CNIH3: variants seen among roughly 807,000 people sequenced by gnomAD.
CNIH3 encodes protein cornichon homolog 3.
Under a neutral mutation model 24.1 loss-of-function variants are expected in CNIH3, and 14 were observed. The observed-to-expected ratio is 0.58, with a 90% CI of 0.38 to 0.91. CNIH3 has a LOEUF of 0.91. CNIH3 is among the 40% of genes least tolerant of loss of function. CNIH3 has a pLI of 0.00. For synonymous variants in CNIH3, 68 were observed against 73.8 expected, an observed-to-expected ratio of 0.92 and a Z score of 0.40; for missense variants, 178 against 196.8, an observed-to-expected ratio of 0.90 and a Z score of 0.57.
At chr1:224,564,521 A>G (rs1313198392) in intron 3 of CNIH3, among the ~76,000 whole-genome samples, 12 of 152,250 alleles carry the variant, frequency 7.9e-5, no homozygotes, top group African/African-American at 2.9e-4. Context: ...CTGGCAACCC[A>G]GCATTTTTAT....
At chr1:224,537,129 A>C (rs994145189), downstream of CNIH3, 12 of 152,236 alleles carry the variant, frequency 7.9e-5, no homozygotes, top group African/African-American at 2.9e-4. Flanking sequence ...GGAAAAAAAA[A>C]CTACATATCT....
At chr1:224,551,886 T>C (rs1198542262) in intron 3 of CNIH3, among the ~76,000 whole-genome samples, 2 of 151,114 alleles carry the variant, frequency 1.3e-5, no homozygotes, top group African/African-American at 4.9e-5. Context: ...ATTTGTAATA[T>C]CTAAGGGAGT....
At chr1:224,517,953 T>G (rs1678464114) in intron 1 of CNIH3, among the ~76,000 whole-genome samples, 1 of 152,168 alleles carries the variant, frequency 6.6e-6, no homozygotes, top group Admixed American at 6.5e-5. Flanking sequence ...GAATGCAGAA[T>G]AGACCCTTTC....
At chr1:224,619,156 T>C (rs1312997317) in intron 1 of CNIH3, among the ~76,000 whole-genome samples, 1 of 152,250 alleles carries the variant, frequency 6.6e-6, no homozygotes, top group Non-Finnish European at 1.5e-5. Flanking sequence ...GTTCTCTGAA[T>C]TGGTCCCTGA....
chr1:224,711,928 C>T (rs1422722374), intron 3 of CNIH3, among the ~76,000 whole-genome samples: 1 of 151,950 alleles, frequency 6.6e-6, no homozygotes, highest in Non-Finnish European at 1.5e-5. Context: ...ATGCCACTCT[C>T]ATGCTTAGGG....
chr1:224,543,910 A>G (rs1028255766), intron 2 of CNIH3, among the ~76,000 whole-genome samples: 2 of 152,030 alleles, frequency 1.3e-5, no homozygotes, highest in African/African-American at 4.8e-5. Context: ...TCACTTTTAT[A>G]CCCAAGACCT....
chr1:224,725,843 T>G (rs1688994795), intron 3 of CNIH3, among the ~76,000 whole-genome samples: 1 of 152,166 alleles, frequency 6.6e-6, no homozygotes, highest in South Asian at 2.1e-4. Flanking sequence ...TTCTTTTCCT[T>G]TAGGGGTAAG....
intron 3 of CNIH3, among the ~76,000 whole-genome samples, chr1:224,548,620 T>C (rs1382208017): frequency 6.6e-6 from 1 of 152,038 alleles, no homozygotes; most frequent in Admixed American, 6.5e-5. Flanking sequence ...GAGTACACTC[T>C]GTGTGTACAT....
intron 1 of CNIH3, among the ~76,000 whole-genome samples, chr1:224,646,553 G>A (rs1055763245): frequency 6.6e-6 from 1 of 152,136 alleles, no homozygotes; most frequent in African/African-American, 2.4e-5. Context: ...CTACAGAGGT[G>A]TGCCTCCACG....
chr1:224,474,802 C>T (rs1345401572), intron 1 of CNIH3, among the ~76,000 whole-genome samples: 1 of 151,780 alleles, frequency 6.6e-6, no homozygotes, highest in African/African-American at 2.4e-5. Context: ...CCAAGGCGGG[C>T]AGATCACAAG....
At chr1:224,618,158 T>G (rs981656653) in intron 1 of CNIH3, among the ~76,000 whole-genome samples, 1 of 152,210 alleles carries the variant, frequency 6.6e-6, no homozygotes, top group Non-Finnish European at 1.5e-5. Context: ...GCCGGTCCTC[T>G]CAAAGACTGT....
intron 3 of CNIH3, among the ~76,000 whole-genome samples, chr1:224,726,073 G>T (rs1245014648): frequency 1.3e-5 from 2 of 152,182 alleles, no homozygotes; most frequent in African/African-American, 4.8e-5. Flanking sequence ...AAAATTCCTG[G>T]AAAAACAAGA....
At chr1:224,548,617 C>A (rs1679795643) in intron 3 of CNIH3, among the ~76,000 whole-genome samples, 1 of 151,940 alleles carries the variant, frequency 6.6e-6, no homozygotes, top group South Asian at 2.1e-4. Flanking sequence ...TGGGAGTACA[C>A]TCTGTGTGTA....
At chr1:224,721,794 G>T (rs748574676) in intron 3 of CNIH3, among the ~76,000 whole-genome samples, 10 of 152,182 alleles carry the variant, frequency 6.6e-5, no homozygotes, top group Non-Finnish European at 1.3e-4. Context: ...TGAAGAGGGG[G>T]CCTGTGGAAG....
chr1:224,495,170 T>G (rs888851237), intron 1 of CNIH3, among the ~76,000 whole-genome samples: 5 of 152,170 alleles, frequency 3.3e-5, no homozygotes, highest in African/African-American at 1.2e-4. Flanking sequence ...TCATCAATTT[T>G]TTGGCTGTTC....
At chr1:224,480,067 CT>C (rs1676747593) in intron 1 of CNIH3, among the ~76,000 whole-genome samples, 2 of 152,216 alleles carry the variant, frequency 1.3e-5, no homozygotes, top group Admixed American at 6.5e-5. Context: ...GTATCCAGGT[CT>C]TTCCATACAT....
At chr1:224,688,771 A>G (rs574221922) in intron 3 of CNIH3, among the ~76,000 whole-genome samples, 1 of 151,960 alleles carries the variant, frequency 6.6e-6, no homozygotes, top group East Asian at 1.9e-4. Flanking sequence ...TGAAACCCCC[A>G]CAAATTAGTC....
At chr1:224,616,250 A>C, upstream of CNIH3, 1 of 163,900 alleles carries the variant, frequency 6.1e-6, no homozygotes, top group Non-Finnish European at 1.3e-5. Flanking sequence ...GGGCGCGCTC[A>C]GCGGAACAGG....
intron 4 of CNIH3, among the ~76,000 whole-genome samples, chr1:224,568,692 C>T (rs942156965): frequency 2.9e-4 from 44 of 151,528 alleles, no homozygotes; most frequent in African/African-American, 9.2e-4. Context: ...GGCTTGGGGC[C>T]GTAGTGAACC....
Sources: gnomAD v4.1 joint callset for allele counts (sites outside exome capture counted in the v4.1 genomes callset) on GRCh38, gnomAD v4.1.1 for gene constraint, MANE v1.5 for transcripts, NCBI Gene and HGNC (gene_info 2026-07-23, HGNC 2026-07-21) for gene names.